The following RNF32 variants were observed in gnomAD, a reference collection of about 807,000 sequenced individuals.
RNF32 encodes the protein ring finger protein 32.
Under a neutral mutation model 41.0 loss-of-function variants are expected in RNF32, and 36 were observed. The observed-to-expected ratio is 0.88, with a 90% CI of 0.67 to 1.16. RNF32 has a LOEUF of 1.16. Among genes scored for constraint, RNF32 ranks in the 50% most tolerant of loss-of-function variants. RNF32 has a pLI of 0.00. For missense variants in RNF32, 413 were observed against 436.7 expected, an observed-to-expected ratio of 0.95 and a Z score of 0.48; for synonymous variants, 154 against 160.9, an observed-to-expected ratio of 0.96 and a Z score of 0.32.
intron 3 of RNF32, among the ~76,000 whole-genome samples, chr7:156,645,188 T>C (rs546093635): frequency 2.0e-5 from 3 of 152,254 alleles, no homozygotes; most frequent in East Asian, 3.9e-4. Context: ...ACACAGAATA[T>C]TGAGGTAGTT....
At chr7:156,660,049 C>A in intron 7 of RNF32, 1 of 985,770 alleles carries the variant, frequency 1.0e-6, no homozygotes, top group Non-Finnish European at 1.2e-6. Flanking sequence ...CACCTCCCCA[C>A]AAATACTGTT....
chr7:156,675,742 T>C lies in RNF32; in HGVS notation c.731T>C (p.Ile244Thr), dbSNP rs201130568. The change falls in exon 8 of 9, where the codon ATT (isoleucine) becomes ACT (threonine). Residue 244 changes from isoleucine to threonine, a missense_variant. Physicochemically the swap from Ile to Thr is moderately conservative, Grantham distance 89. Transcript: ENST00000317955. ...HRILCSYNTNIEELFAEIDQC... is the reference protein window; with the variant it reads ...HRILCSYNTNTEELFAEIDQC... ...ATCCTGTGCTCATACAACACCAACATTGAAGAGCTCTTTGCAGAAATCGAT... is the reference window on the plus strand; with the variant it reads ...ATCCTGTGCTCATACAACACCAACACTGAAGAGCTCTTTGCAGAAATCGAT... The C allele has an allele frequency of 1.2e-4, 183 of 1,561,012 alleles. No homozygotes were observed. The highest frequency in any genetic ancestry group is 7.0e-4 in the South Asian group (63 of 90,330).
chr7:156,670,258 G>A lies in RNF32; in HGVS notation c.685-5438G>A, dbSNP rs1802182127. ...AGGAGCTGGATGCTAAGCACGGCTG[G>A]CTCTACTGTTTTGACTTTGGCTCTT... On this transcript the variant is annotated intron_variant, in intron 7 of 8. Transcript: ENST00000317955. This position sits in a 1 kb window ranked among gnomAD's most constrained non-coding sequence, Gnocchi z 4.3. 6.6e-6 allele frequency among the ~76,000 whole-genome samples: 1 copy of A among 152,156 alleles called. No homozygotes were observed. Among genetic ancestry groups the A allele is most frequent in the African/African-American group, 2.4e-5 (1 of 41,442 alleles).
chr7:156,641,419 C>G (rs1236474246), intron 1 of RNF32, among the ~76,000 whole-genome samples: 1 of 152,188 alleles, frequency 6.6e-6, no homozygotes, highest in Non-Finnish European at 1.5e-5. Context: ...TCCTGTTAAT[C>G]TTAGCTTTCA....
chr7:156,643,564 T>G (rs1356889413), intron 1 of RNF32, among the ~76,000 whole-genome samples: 1 of 152,228 alleles, frequency 6.6e-6, no homozygotes, highest in Admixed American at 6.5e-5. Flanking sequence ...TAACCATTTG[T>G]ATTAATGTGT....
intron 7 of RNF32, among the ~76,000 whole-genome samples, chr7:156,665,867 T>C (rs1490564385): frequency 6.6e-6 from 1 of 152,246 alleles, no homozygotes; most frequent in Non-Finnish European, 1.5e-5. Flanking sequence ...ATCAGAATCA[T>C]TGTGTAAAAG....
intron 7 of RNF32, among the ~76,000 whole-genome samples, chr7:156,668,790 G>A (rs1801804583): frequency 6.6e-6 from 1 of 152,206 alleles, no homozygotes; most frequent in Non-Finnish European, 1.5e-5. Flanking sequence ...TGGCAGCTGA[G>A]CAATTCCCCA....
Position 156,672,886 on chromosome 7 carries a change from C to T in RNF32, c.685-2810C>T, listed in dbSNP as rs565967351. On this transcript the variant is annotated intron_variant, in intron 7 of 8. Coordinates refer to ENST00000317955, the MANE Select transcript of RNF32 (RefSeq NM_030936.4). Reference sequence around the variant, plus strand: ...AACTTTGCATATTTAAAAATGTGATCGGTAACTTCTATGACCGTGGTTCTT... The same window carrying T: ...AACTTTGCATATTTAAAAATGTGATTGGTAACTTCTATGACCGTGGTTCTT... Among the ~76,000 whole-genome samples, 6 of 152,298 alleles carry T rather than the reference C, an allele frequency of 3.9e-5. No individual in the cohort carries two copies. The South Asian group carries it at 6.2e-4, about 16-fold the overall frequency.
chr7:156,641,440 A>G (rs1344126549), intron 1 of RNF32, among the ~76,000 whole-genome samples: 1 of 152,218 alleles, frequency 6.6e-6, no homozygotes, highest in Non-Finnish European at 1.5e-5. Context: ...ATACTGGGCA[A>G]GGGTTACGTT....
intron 7 of RNF32, among the ~76,000 whole-genome samples, chr7:156,663,767 C>T (rs888844359): frequency 2.6e-5 from 4 of 152,048 alleles, no homozygotes; most frequent in African/African-American, 9.7e-5. Flanking sequence ...TCTCAGCATA[C>T]AGGAAATTTT....
At chr7:156,640,319 G>C (rs1051158066), upstream of RNF32, 5 of 450,920 alleles carry the variant, frequency 1.1e-5, no homozygotes, top group African/African-American at 2.0e-5. Context: ...GGAAACAACC[G>C]GGGCCCAGGC....
At chr7:156,675,659 T>A in intron 7 of RNF32, 37 bp from the exon 8 acceptor site, 1 of 1,589,216 alleles carries the variant, frequency 6.3e-7, no homozygotes, top group Non-Finnish European at 8.6e-7. Context: ...TCCACCGAGC[T>A]CAGGTGTGAG....
intron 4 of RNF32, 29 bp from the exon 5 acceptor site, chr7:156,657,509 ACTT>A: frequency 6.2e-7 from 1 of 1,612,766 alleles, no homozygotes; most frequent in Non-Finnish European, 8.5e-7. Flanking sequence ...TCTTTTGTAA[ACTT>A]CAACGTCGTT....
chr7:156,656,593 A>C (rs1799707777), intron 4 of RNF32, among the ~76,000 whole-genome samples: 1 of 152,224 alleles, frequency 6.6e-6, no homozygotes, highest in Non-Finnish European at 1.5e-5. Context: ...TCCATTTAAG[A>C]AGAAAAGCAT....
chr7:156,659,389 C>A, intron 7 of RNF32: 1 of 985,914 alleles, frequency 1.0e-6, no homozygotes, highest in South Asian at 4.7e-5. Flanking sequence ...AGAGATCATT[C>A]GTCTCGGGTG....
At chr7:156,651,236 C>A (rs1252499444) in intron 3 of RNF32, among the ~76,000 whole-genome samples, 1 of 145,762 alleles carries the variant, frequency 6.9e-6, no homozygotes, top group Admixed American at 6.9e-5. Context: ...TTTTTTGACA[C>A]ACAGTCTTGC....
At chr7:156,659,352 T>G in intron 7 of RNF32, 1 of 986,908 alleles carries the variant, frequency 1.0e-6, no homozygotes. Flanking sequence ...GTGTGTTCTG[T>G]TCCTGAGAGC....
intron 7 of RNF32, among the ~76,000 whole-genome samples, chr7:156,666,378 T>C (rs193009795): frequency 2.6e-4 from 40 of 152,336 alleles, no homozygotes; most frequent in African/African-American, 9.1e-4. Context: ...AAAGGGACCC[T>C]CTTTCTGTGA....
chr7:156,646,733 C>G (rs1279513080), intron 3 of RNF32, among the ~76,000 whole-genome samples: 3 of 152,210 alleles, frequency 2.0e-5, no homozygotes, highest in Non-Finnish European at 4.4e-5. Context: ...TACTTTGTTC[C>G]TTATCCACTA....
Sources: gnomAD v4.1 joint callset for allele counts (sites outside exome capture counted in the v4.1 genomes callset) on GRCh38, gnomAD v4.1.1 for gene constraint, Gnocchi (gnomAD v3.1) non-coding constraint, MANE v1.5 for transcripts, NCBI Gene and HGNC (gene_info 2026-07-23, HGNC 2026-07-21) for gene names.